FHIT: variants seen among roughly 807,000 people sequenced by gnomAD.
The protein encoded by FHIT is bis(5'-adenosyl)-triphosphatase.
Under a neutral mutation model 17.9 loss-of-function variants are expected in FHIT, and 19 were observed. The ratio of observed to expected loss-of-function variants is 1.06; its 90% CI spans 0.74 to 1.56. The LOEUF is 1.56. FHIT is among the 40% of genes most tolerant of loss of function. The pLI is 0.00. For missense variants in FHIT, 248 were observed against 189.2 expected (o/e 1.31, Z -1.82); for synonymous variants, 81 against 69.7 (o/e 1.16, Z -0.81).
At chr3:60,853,553 C>T (rs1703240238) in intron 3 of FHIT, among the ~76,000 whole-genome samples, 1 of 152,020 alleles carries the variant, frequency 6.6e-6, no homozygotes, top group Middle Eastern at 3.2e-3. Context: ...TTTGAAAGGA[C>T]CCAAATATAA....
chr3:60,742,462 T>C (rs1488956826), intron 4 of FHIT, among the ~76,000 whole-genome samples: 1 of 152,164 alleles, frequency 6.6e-6, no homozygotes, highest in Non-Finnish European at 1.5e-5. Flanking sequence ...TAAAAGTCTC[T>C]CCCAATAGCT....
intron 8 of FHIT, among the ~76,000 whole-genome samples, chr3:59,873,294 C>CTGGA (rs528936088): frequency 7.0e-4 from 106 of 152,316 alleles, no homozygotes; most frequent in African/African-American, 2.5e-3. Context: ...GTAATATTTT[C>CTGGA]TGGATGGATG....
At chr3:60,472,326 C>T (rs2033128975) in intron 5 of FHIT, among the ~76,000 whole-genome samples, 1 of 151,554 alleles carries the variant, frequency 6.6e-6, no homozygotes, top group Non-Finnish European at 1.5e-5. Context: ...TGTCTTCAAA[C>T]TACATGCCCA....
chr3:60,902,651 T>C (rs1373513787), intron 3 of FHIT, among the ~76,000 whole-genome samples: 1 of 152,200 alleles, frequency 6.6e-6, no homozygotes, highest in African/African-American at 2.4e-5. Flanking sequence ...TGGTAGCTAT[T>C]GCACCACCAC....
At chr3:60,770,316 G>A (rs1160890531) in intron 4 of FHIT, among the ~76,000 whole-genome samples, 1 of 151,804 alleles carries the variant, frequency 6.6e-6, no homozygotes, top group Admixed American at 6.6e-5. Flanking sequence ...ACCAAGAAAG[G>A]GATCAGAGCG....
chr3:60,272,616 G>T (rs1052091224), intron 5 of FHIT, among the ~76,000 whole-genome samples: 9 of 152,184 alleles, frequency 5.9e-5, no homozygotes, highest in African/African-American at 2.2e-4. Context: ...TACTCTTGAA[G>T]TTCTGAACAT....
chr3:59,797,540 T>G (rs1699825804), intron 8 of FHIT, among the ~76,000 whole-genome samples: 1 of 152,196 alleles, frequency 6.6e-6, no homozygotes. Flanking sequence ...AACTAGAGTA[T>G]TATTTGTCAT....
At chr3:60,004,303 G>C (rs142123467) in intron 7 of FHIT, among the ~76,000 whole-genome samples, 1 of 151,922 alleles carries the variant, frequency 6.6e-6, no homozygotes, top group Non-Finnish European at 1.5e-5. Context: ...GCCACGTGTC[G>C]GCATTACAAA....
chr3:60,254,467 A>G (rs1240703455), intron 5 of FHIT, among the ~76,000 whole-genome samples: 1 of 152,192 alleles, frequency 6.6e-6, no homozygotes, highest in Non-Finnish European at 1.5e-5. Context: ...GTGGCAGGAA[A>G]ATCAGGCAAG....
At chr3:61,135,942 C>T (rs2036903187) in intron 2 of FHIT, among the ~76,000 whole-genome samples, 1 of 152,118 alleles carries the variant, frequency 6.6e-6, no homozygotes, top group Admixed American at 6.5e-5. Context: ...AAATACAGAA[C>T]AAAAGGCAAA....
At chr3:59,864,866 T>C (rs1039311270) in intron 8 of FHIT, among the ~76,000 whole-genome samples, 1 of 152,136 alleles carries the variant, frequency 6.6e-6, no homozygotes, top group Non-Finnish European at 1.5e-5. Flanking sequence ...GCTGTTCATT[T>C]AGAAGGGAGG....
chr3:59,853,218 A>G (rs781781077), intron 8 of FHIT, among the ~76,000 whole-genome samples: 8 of 152,178 alleles, frequency 5.3e-5, no homozygotes, highest in Non-Finnish European at 1.0e-4. Flanking sequence ...GGCTCTTCTA[A>G]TAAGTGTGTG....
intron 5 of FHIT, among the ~76,000 whole-genome samples, chr3:60,296,667 A>T (rs1017737749): frequency 2.6e-5 from 4 of 152,048 alleles, no homozygotes; most frequent in Admixed American, 2.6e-4. Flanking sequence ...AAGTTAAACT[A>T]ATCAATTTTT....
intron 4 of FHIT, among the ~76,000 whole-genome samples, chr3:60,677,979 A>G (rs2040661979): frequency 6.6e-6 from 1 of 152,090 alleles, no homozygotes; most frequent in Non-Finnish European, 1.5e-5. Context: ...GTCTCTGATC[A>G]TCTTTTGTAT....
At chr3:59,923,084 T>C (rs1486969883) in intron 7 of FHIT, among the ~76,000 whole-genome samples, 3 of 151,448 alleles carry the variant, frequency 2.0e-5, no homozygotes, top group South Asian at 4.2e-4. Flanking sequence ...ACGGTGAAAC[T>C]CCGTCTCTAC....
At chr3:59,931,072 T>A (rs1399725698) in intron 7 of FHIT, among the ~76,000 whole-genome samples, 1 of 152,216 alleles carries the variant, frequency 6.6e-6, no homozygotes, top group African/African-American at 2.4e-5. Flanking sequence ...CGCATAAGAC[T>A]TTTATACCGA....
At position 60,320,681 on chromosome 3, in the gene FHIT, A is replaced by G. The variant is rs1048918646; in HGVS notation, c.103+216179T>C. On this transcript the variant is annotated intron_variant, in intron 5 of 9. Coordinates refer to ENST00000492590, the MANE Select transcript of FHIT (RefSeq NM_002012.4). Reference sequence around the variant, plus strand: ...TAAAAAATGATAAACTTACCCAAAAACATCCAATCAAATAAAATGAAAAGA... The same window carrying G: ...TAAAAAATGATAAACTTACCCAAAAGCATCCAATCAAATAAAATGAAAAGA... Among the ~76,000 whole-genome samples, 4 of 152,154 alleles carry G rather than the reference A, an allele frequency of 2.6e-5. No individual in the cohort carries two copies. In the East Asian group the frequency reaches 7.7e-4, roughly 29 times the overall value.
intron 5 of FHIT, among the ~76,000 whole-genome samples, chr3:60,087,332 G>A (rs1576069527): frequency 6.6e-6 from 1 of 152,140 alleles, no homozygotes; most frequent in Admixed American, 6.5e-5. Flanking sequence ...CCATTGGCTT[G>A]ACTACTAGCA....
At chr3:61,185,421 T>C (rs1001875525) in intron 2 of FHIT, among the ~76,000 whole-genome samples, 2 of 152,138 alleles carry the variant, frequency 1.3e-5, no homozygotes, top group East Asian at 1.9e-4. Flanking sequence ...CAGACACAAG[T>C]GATCATCATC....
Sources: allele counts gnomAD v4.1 joint callset (sites outside exome capture counted in the v4.1 genomes callset), GRCh38; gene constraint gnomAD v4.1.1; transcripts MANE v1.5; gene names NCBI Gene and HGNC (gene_info 2026-07-23, HGNC 2026-07-21).